GLDC: variants seen among roughly 807,000 people sequenced by gnomAD.
GLDC encodes the protein glycine decarboxylase.
Under a neutral mutation model 121.3 loss-of-function variants are expected in GLDC, and 104 were observed. That is an observed-to-expected ratio of 0.86 (90% CI 0.73 to 1.01). The LOEUF (loss-of-function observed/expected upper bound fraction) is 1.01, where lower values mean the gene tolerates loss of function less well. Ranked by LOEUF, GLDC falls within the 50% of genes least tolerant of loss-of-function variation. The pLI is 0.00. For missense variants in GLDC, 1,429 were observed against 1,306.6 expected, an observed-to-expected ratio of 1.09 and a Z score of -1.44; for synonymous variants, 546 against 480.6, an observed-to-expected ratio of 1.14 and a Z score of -1.78.
intron 15 of GLDC, among the ~76,000 whole-genome samples, chr9:6,586,335 T>C (rs2129828299): frequency 6.6e-6 from 1 of 152,188 alleles, no homozygotes; most frequent in Middle Eastern, 3.4e-3. Context: ...ATAAAGAGTC[T>C]TAGTCTCACC....
intron 3 of GLDC, among the ~76,000 whole-genome samples, chr9:6,618,841 C>A (rs1455078321): frequency 6.6e-6 from 1 of 151,904 alleles, no homozygotes; most frequent in African/African-American, 2.4e-5. Context: ...ACACACACAC[C>A]CCTAGAAGTA....
At chr9:6,545,672 A>C (rs1817372629) in intron 21 of GLDC, among the ~76,000 whole-genome samples, 1 of 152,172 alleles carries the variant, frequency 6.6e-6, no homozygotes, top group Admixed American at 6.5e-5. Context: ...ACAGAGTCTC[A>C]ATCTGTTGCC....
In GLDC at chr9:6,620,292, T is replaced by C; in HGVS notation, c.362A>G (p.His121Arg). 6.2e-7 allele frequency: 1 copy of C among 1,613,668 alleles called. No individual in the cohort carries two copies. The change falls in exon 3 of 25, where the codon CAT (histidine) becomes CGT (arginine). Residue 121 changes from histidine to arginine, a missense_variant. His to Arg is a conservative substitution (Grantham distance 29, BLOSUM62 0). Transcript: ENST00000321612. Reference protein sequence around the residue: ...VCENEILATLHAISSKNQIWR... With the variant: ...VCENEILATLRAISSKNQIWR... ...GATCTGGTTTTTGCTTGAAATGGCA[T>C]GCAGAGTTGCAAGGATTTCATTTTC...
intron 8 of GLDC, among the ~76,000 whole-genome samples, chr9:6,597,844 G>C (rs999974815): frequency 3.9e-5 from 6 of 152,046 alleles, no homozygotes; most frequent in African/African-American, 1.4e-4. Context: ...GCTGAGGCAG[G>C]AGAATGGCGT....
chr9:6,563,098 G>A (rs908158333), intron 16 of GLDC, among the ~76,000 whole-genome samples: 1 of 152,192 alleles, frequency 6.6e-6, no homozygotes, highest in African/African-American at 2.4e-5. Flanking sequence ...GAGAAGGGAA[G>A]GAGGACAGGA....
intron 15 of GLDC, among the ~76,000 whole-genome samples, chr9:6,584,784 G>A (rs966981240): frequency 1.3e-5 from 2 of 152,180 alleles, no homozygotes; most frequent in African/African-American, 2.4e-5. Flanking sequence ...TCTTGGAAAT[G>A]GATGGTATAG....
intron 15 of GLDC, 84 bp downstream of exon 15, chr9:6,587,057 G>GGC: frequency 4.5e-6 from 5 of 1,113,680 alleles, no homozygotes; most frequent in Non-Finnish European, 6.9e-6. Context: ...ACACAAAAAA[G>GGC]TTGTTGTTCT....
chr9:6,614,510 C>G (rs1224201053), intron 3 of GLDC, among the ~76,000 whole-genome samples: 2 of 151,836 alleles, frequency 1.3e-5, no homozygotes, highest in Non-Finnish European at 2.9e-5. Context: ...GTTGGGAATA[C>G]AGGCGTGAGC....
At chr9:6,538,896 A>T (rs1481618008) in intron 22 of GLDC, among the ~76,000 whole-genome samples, 1 of 152,200 alleles carries the variant, frequency 6.6e-6, no homozygotes, top group African/African-American at 2.4e-5. Flanking sequence ...TGAGGATGGG[A>T]TTGGTAATTT....
At chr9:6,604,382 A>C (rs750776574) in intron 7 of GLDC, among the ~76,000 whole-genome samples, 2 of 152,162 alleles carry the variant, frequency 1.3e-5, no homozygotes, top group Non-Finnish European at 2.9e-5. Flanking sequence ...TATACACAAA[A>C]TTTTTCAAAA....
chr9:6,634,532 C>G (rs550438026), intron 2 of GLDC, among the ~76,000 whole-genome samples: 1 of 120,642 alleles, frequency 8.3e-6, no homozygotes, highest in East Asian at 2.8e-4. Context: ...GTGTCTCAAA[C>G]AAACAAACAA....
intron 8 of GLDC, among the ~76,000 whole-genome samples, chr9:6,600,823 C>A (rs1818594185): frequency 6.6e-6 from 1 of 152,128 alleles, no homozygotes; most frequent in African/African-American, 2.4e-5. Context: ...AGGAGCAGAA[C>A]CCAGAACCCT....
At chr9:6,631,356 C>G (rs1291734494) in intron 2 of GLDC, among the ~76,000 whole-genome samples, 1 of 152,198 alleles carries the variant, frequency 6.6e-6, no homozygotes, top group Non-Finnish European at 1.5e-5. Context: ...TCTTCCTGAT[C>G]ACCCGAGAGA....
At chr9:6,600,508 T>C (rs1587956848) in intron 8 of GLDC, among the ~76,000 whole-genome samples, 1 of 151,986 alleles carries the variant, frequency 6.6e-6, no homozygotes, top group South Asian at 2.1e-4. Context: ...GAAACCTGCC[T>C]CTACTAAAAA....
chr9:6,547,974 A>G (rs1817433026), intron 21 of GLDC, among the ~76,000 whole-genome samples: 1 of 152,112 alleles, frequency 6.6e-6, no homozygotes, highest in Non-Finnish European at 1.5e-5. Context: ...TACAAAAAAT[A>G]TATATATAAA....
chr9:6,582,503 A>G (rs1818190222), intron 15 of GLDC, among the ~76,000 whole-genome samples: 1 of 151,416 alleles, frequency 6.6e-6, no homozygotes, highest in African/African-American at 2.4e-5. Context: ...GCTGGACAAC[A>G]GAGCAGGGCT....
chr9:6,558,626 C>A lies in GLDC; in HGVS notation c.1985G>T (p.Gly662Val). ...GTNPASAHMA[G>V]MKIQPVEVDK... ...CACCTCCACAGGCTGAATCTTCATG[C>A]CTGCCATGTGGGCACTTGCTGGGTT... Residue 662 changes from glycine (G) to valine (V), a missense_variant, in exon 17 of 25, where the codon GGC (glycine) becomes GTC (valine). Coordinates refer to ENST00000321612, the MANE Select transcript of GLDC (RefSeq NM_000170.3). 1 of 1,614,130 alleles carries A rather than the reference C, an allele frequency of 6.2e-7. No individual in the cohort carries two copies. The highest frequency in any genetic ancestry group is 8.5e-7 in the Non-Finnish European group (1 of 1,179,958).
intron 8 of GLDC, among the ~76,000 whole-genome samples, chr9:6,597,792 C>G (rs1192229914): frequency 1.3e-5 from 2 of 151,764 alleles, no homozygotes; most frequent in Non-Finnish European, 2.9e-5. Flanking sequence ...ATAAATTAGC[C>G]AGGCATGGTA....
chr9:6,625,738 C>G (rs1392142612), intron 2 of GLDC, among the ~76,000 whole-genome samples: 1 of 151,978 alleles, frequency 6.6e-6, no homozygotes, highest in Non-Finnish European at 1.5e-5. Flanking sequence ...ATTTTCCACT[C>G]CTATGATAGT....
Sources: allele counts gnomAD v4.1 joint callset (sites outside exome capture counted in the v4.1 genomes callset), GRCh38; gene constraint gnomAD v4.1.1; transcripts MANE v1.5; gene names NCBI Gene and HGNC (gene_info 2026-07-23, HGNC 2026-07-21).